The following CDK12 variants were observed in gnomAD, a reference collection of about 807,000 sequenced individuals.
CDK12 encodes cyclin-dependent kinase 12.
A neutral mutation model predicts 133.8 loss-of-function variants in CDK12; 17 were observed. The observed-to-expected ratio is 0.13, with a 90% confidence interval of 0.09 to 0.19. CDK12 has a LOEUF of 0.19. CDK12 is among the 10% of genes least tolerant of loss of function. The probability of loss-of-function intolerance (pLI) is 1.00; values close to 1 mark genes in which losing one functional copy is unlikely to be tolerated. For missense variants in CDK12, 1,508 were observed against 1,818.7 expected (o/e 0.83, Z 3.11); for synonymous variants, 694 against 683.6 (o/e 1.02, Z -0.24).
At chr17:39,508,944 G>A (rs1436609511) in intron 6 of CDK12, among the ~76,000 whole-genome samples, 1 of 147,986 alleles carries the variant, frequency 6.8e-6, no homozygotes, top group Non-Finnish European at 1.5e-5. Context: ...GCTACAGTGA[G>A]CCAGGGTTAC....
At chr17:39,529,513 CATTAAAT>C (rs1479233263) in intron 13 of CDK12, among the ~76,000 whole-genome samples, 2 of 152,040 alleles carry the variant, frequency 1.3e-5, no homozygotes, top group Non-Finnish European at 2.9e-5. Flanking sequence ...TATCCCAAAA[CATTAAAT>C]CTTTTCTTCA....
At position 39,471,479 on chromosome 17, in the gene CDK12, C is replaced by T. The variant is rs1567686787; in HGVS notation, c.1647C>T (p.Pro549=). Residue 549 remains proline (P), a synonymous_variant, in exon 2 of 14, where the codon CCC becomes CCT. Transcript: ENST00000447079. ...LPTTTPPPQT[P]PLPPLPPIPA... ...CTACTACCCCTCCACCTCAGACACC[C>T]CCTTTGCCACCTTTGCCTCCAATAC... 5 of 1,613,840 alleles carry T rather than the reference C, an allele frequency of 3.1e-6. No homozygotes were observed. Among genetic ancestry groups the T allele is most frequent in the Non-Finnish European group, 4.2e-6 (5 of 1,179,936 alleles).
intron 2 of CDK12, among the ~76,000 whole-genome samples, chr17:39,474,562 G>T (rs957546543): frequency 1.3e-5 from 2 of 152,080 alleles, no homozygotes; most frequent in African/African-American, 4.8e-5. Flanking sequence ...TGATCCGCTT[G>T]CTTTGGCCTT....
intron 3 of CDK12, among the ~76,000 whole-genome samples, chr17:39,561,923 G>A (rs1567825930): frequency 6.6e-6 from 1 of 152,052 alleles, no homozygotes; most frequent in Non-Finnish European, 1.5e-5. Context: ...ACCTGGAATG[G>A]GGACTATAAG....
At chr17:39,468,942 C>T (rs1327462061) in intron 1 of CDK12, among the ~76,000 whole-genome samples, 1 of 152,062 alleles carries the variant, frequency 6.6e-6, no homozygotes, top group African/African-American at 2.4e-5. Flanking sequence ...GATTCTCCTC[C>T]CTCAGCCTCC....
At chr17:39,563,244 AG>A (rs1427115585) in intron 3 of CDK12, among the ~76,000 whole-genome samples, 1 of 151,988 alleles carries the variant, frequency 6.6e-6, no homozygotes, top group East Asian at 1.9e-4. Flanking sequence ...CTTGACTTCC[AG>A]GTTGGCTGGG....
At chr17:39,526,622 C>T (rs2054514490) in intron 13 of CDK12, among the ~76,000 whole-genome samples, 2 of 152,192 alleles carry the variant, frequency 1.3e-5, no homozygotes, top group Admixed American at 1.3e-4. Context: ...TCTTGAACCA[C>T]ACATCTTGAA....
In CDK12 at chr17:39,471,150, TC is replaced by T; in HGVS notation, c.1319del (p.Ser440Ter). On this transcript the variant is annotated frameshift_variant, in exon 2 of 14. Coordinates refer to ENST00000447079, the MANE Select transcript of CDK12 (RefSeq NM_016507.4). LOFTEE classifies it high-confidence loss of function. Reference protein sequence around the residue: ...KENSSVEAKDSGLESKKLPRS... With the variant: ...KENSSVEAKDXGLESKKLPRS... ...GAACAGTTCAGTAGAGGCTAAGGAT[TC>T]AGGTTTGGAGTCTAAAAAGTTACCC... is the stretch of plus-strand genomic sequence containing the variant. 1 of 1,587,800 alleles carries T rather than the reference TC, an allele frequency of 6.3e-7. No individual in the cohort carries two copies. The highest frequency in any genetic ancestry group is 8.5e-7 in the Non-Finnish European group (1 of 1,171,010).
rs75945806 is a variant in CDK12, at chr17:39,559,547, G to T, written n.484+3134G>T. On this transcript the variant is annotated intron_variant and non_coding_transcript_variant, in intron 3 of 3. Transcript: ENST00000558240. ...CCACTAATCTGTCTTCTAAAATTTC[G>T]TAGTTTCAAAAATGGAATAATGTAG... is the stretch of plus-strand genomic sequence containing the variant. Among the ~76,000 whole-genome samples the T allele has an allele frequency of 7.5e-3, 1,136 of 152,092 alleles. 7 individuals carry two copies. The highest frequency in any genetic ancestry group is 0.02 in the Middle Eastern group (6 of 294).
In CDK12 at chr17:39,462,572, C is replaced by G. The variant is rs1406620271; in HGVS notation, c.501C>G (p.Ala167=). Residue 167 remains alanine, a synonymous_variant, in exon 1 of 14, where the codon GCC becomes GCG. Transcript: ENST00000447079. The part of the protein sequence containing the change: ...ETDDYGKAQV[A]KSSSKESRSS... ...ATGACTATGGGAAGGCGCAGGTAGCCAAAAGCAGCAGCAAGGAATCCAGGT... is the reference window on the plus strand; with the variant it reads ...ATGACTATGGGAAGGCGCAGGTAGCGAAAAGCAGCAGCAAGGAATCCAGGT... 1.2e-6 allele frequency: 2 copies of G among 1,614,058 alleles called. No individual in the cohort carries two copies. Among genetic ancestry groups the G allele is most frequent in the East Asian group, 4.5e-5 (2 of 44,874 alleles).
chr17:39,548,789 G>C (rs912540687), upstream of CDK12, among the ~76,000 whole-genome samples: 5 of 152,142 alleles, frequency 3.3e-5, no homozygotes, highest in Non-Finnish European at 7.4e-5. Context: ...ATGGCCCTGG[G>C]GCCTCTATGG....
intron 3 of CDK12, among the ~76,000 whole-genome samples, chr17:39,557,946 A>G (rs1477720087): frequency 6.6e-6 from 1 of 151,872 alleles, no homozygotes; most frequent in Non-Finnish European, 1.5e-5. Flanking sequence ...AAAAACAACT[A>G]CTCCTTAAGT....
intron 10 of CDK12, among the ~76,000 whole-genome samples, chr17:39,519,728 T>C (rs1388293454): frequency 1.1e-4 from 16 of 151,994 alleles, no homozygotes; most frequent in Non-Finnish European, 1.2e-4. Flanking sequence ...TAGCTGAGAC[T>C]ACAGGGTGCA....
chr17:39,530,543 T>G (rs1567790227), intron 13 of CDK12, 61 bp from the exon 14 acceptor site: 1 of 1,515,988 alleles, frequency 6.6e-7, no homozygotes, highest in East Asian at 2.3e-5. Flanking sequence ...GTGTGTGTGT[T>G]TGTGTTTATA....
intron 3 of CDK12, among the ~76,000 whole-genome samples, chr17:39,491,418 G>A (rs1446392641): frequency 1.3e-5 from 2 of 151,976 alleles, no homozygotes; most frequent in Admixed American, 6.6e-5. Flanking sequence ...TGTATTTTTA[G>A]TAGAGATGGG....
intron 2 of CDK12, among the ~76,000 whole-genome samples, chr17:39,480,873 G>T (rs140320740): frequency 5.3e-5 from 8 of 152,292 alleles, no homozygotes; most frequent in African/African-American, 1.4e-4. Flanking sequence ...GGCAGCCCAC[G>T]TCCAACATAG....
In CDK12 at chr17:39,511,636, G is replaced by A. The variant is rs771842275; in HGVS notation, c.2768+6G>A. The A allele has an allele frequency of 8.2e-6, 13 of 1,592,326 alleles. No individual in the cohort carries two copies. The African/African-American group carries it at 1.7e-4, about 21-fold the overall frequency. On this transcript the variant is annotated splice_donor_region_variant and intron_variant, in intron 8 of 13. Coordinates refer to ENST00000447079, the MANE Select transcript of CDK12 (RefSeq NM_016507.4). ...ATAGATGTTTGGAGCTGTGGGTAAG[G>A]TTCTGTTAACTTTTTCTTTTGTCTG...
intron 2 of CDK12, among the ~76,000 whole-genome samples, chr17:39,485,557 CG>C: frequency 6.6e-6 from 1 of 151,826 alleles, no homozygotes; most frequent in Admixed American, 6.6e-5. Flanking sequence ...GACTAACAGG[CG>C]GGTGCCACCA....
chr17:39,470,750 G>A (rs1436017694), intron 1 of CDK12, 129 bp from the exon 2 acceptor site: 4 of 773,458 alleles, frequency 5.2e-6, no homozygotes, highest in East Asian at 5.6e-5. Context: ...GACTGTCCTC[G>A]TTTTTGATGG....
Sources: gnomAD v4.1 joint callset for allele counts (sites outside exome capture counted in the v4.1 genomes callset) on GRCh38, gnomAD v4.1.1 for gene constraint, MANE v1.5 for transcripts, NCBI Gene and HGNC (gene_info 2026-07-23, HGNC 2026-07-21) for gene names.